ASIC2: variants seen among roughly 807,000 people sequenced by gnomAD.
The protein encoded by ASIC2 is acid-sensing ion channel 2.
Under a neutral mutation model 57.3 loss-of-function variants are expected in ASIC2, and 25 were observed. The ratio of observed to expected loss-of-function variants is 0.44; its 90% CI spans 0.32 to 0.61. The LOEUF (loss-of-function observed/expected upper bound fraction) is 0.61. Among genes scored for constraint, ASIC2 ranks in the 20% least tolerant of loss-of-function variants. The probability of loss-of-function intolerance (pLI) is 0.06; values close to 1 mark genes in which losing one functional copy is unlikely to be tolerated. For synonymous variants in ASIC2, 319 were observed against 307.5 expected, an observed-to-expected ratio of 1.04 and a Z score of -0.39; for missense variants, 641 against 738.1, an observed-to-expected ratio of 0.87 and a Z score of 1.52.
chr17:33,213,844 GCCCTGGAATACTGATTCTCT>G (rs984708621), intron 1 of ASIC2, among the ~76,000 whole-genome samples: 5 of 152,192 alleles, frequency 3.3e-5, no homozygotes, highest in African/African-American at 1.2e-4. Flanking sequence ...GGTGGTCCAA[GCCCTGGAATACTGATTCTCT>G]CCCTGGCCCC....
chr17:33,900,442 AC>A (rs1373558370), intron 1 of ASIC2, among the ~76,000 whole-genome samples: 2 of 152,150 alleles, frequency 1.3e-5, no homozygotes, highest in Non-Finnish European at 2.9e-5. Flanking sequence ...CCCTCCCAAC[AC>A]TGAGAATCTG....
chr17:33,327,509 T>C (rs560551803), intron 1 of ASIC2, among the ~76,000 whole-genome samples: 15 of 152,330 alleles, frequency 9.8e-5, no homozygotes, highest in African/African-American at 3.6e-4. Context: ...CACAATGAAA[T>C]GGATTTTCCA....
chr17:34,128,850 C>T (rs1911867570), intron 1 of ASIC2, among the ~76,000 whole-genome samples: 2 of 152,154 alleles, frequency 1.3e-5, no homozygotes, highest in African/African-American at 4.8e-5. Flanking sequence ...ATCAGAGCCT[C>T]CTGGGGAGCT....
chr17:33,325,270 G>A (rs1480414519), intron 1 of ASIC2, among the ~76,000 whole-genome samples: 2 of 152,182 alleles, frequency 1.3e-5, no homozygotes, highest in African/African-American at 2.4e-5. Context: ...GGAGAGGAAG[G>A]ATGTCTCAGA....
intron 3 of ASIC2, among the ~76,000 whole-genome samples, chr17:33,085,765 C>T (rs937765571): frequency 3.9e-5 from 6 of 152,112 alleles, no homozygotes; most frequent in Admixed American, 2.6e-4. Flanking sequence ...TCCTTCAAGT[C>T]TTATTTCCTA....
At chr17:33,787,677 G>T (rs1239621605) in intron 1 of ASIC2, among the ~76,000 whole-genome samples, 2 of 152,214 alleles carry the variant, frequency 1.3e-5, no homozygotes, top group African/African-American at 2.4e-5. Context: ...GTTCACTGTT[G>T]TATCAGTAGT....
chr17:33,348,404 C>G (rs1908035567), intron 1 of ASIC2, among the ~76,000 whole-genome samples: 2 of 152,050 alleles, frequency 1.3e-5, no homozygotes, highest in Non-Finnish European at 2.9e-5. Flanking sequence ...AACAGCAAAC[C>G]CTCTTTAACC....
chr17:33,842,493 G>A (rs1015123941), intron 1 of ASIC2, among the ~76,000 whole-genome samples: 2 of 152,212 alleles, frequency 1.3e-5, no homozygotes, highest in Non-Finnish European at 2.9e-5. Context: ...CAAATATCCA[G>A]GAGATGGAGA....
rs535272008 is a variant in ASIC2 at position 33,508,349 on chromosome 17, C to T, written c.556-396282G>A. On this transcript the variant is annotated intron_variant, in intron 1 of 9. Transcript: ENST00000359872. ...AGGAGATGAAGCCTGCAACTGTAGA[C>T]GGTCAAGTGTACTAACAGGAATCAC... 1.5e-4 allele frequency among the ~76,000 whole-genome samples: 23 copies of T among 152,268 alleles called. No homozygotes were observed. In the South Asian group the frequency reaches 4.4e-3, roughly 29 times the overall value.
intron 1 of ASIC2, among the ~76,000 whole-genome samples, chr17:33,525,827 C>T (rs1192275592): frequency 6.6e-6 from 1 of 152,206 alleles, no homozygotes; most frequent in African/African-American, 2.4e-5. Context: ...TGGAGCCCAG[C>T]TCAAGACTCA....
intron 1 of ASIC2, among the ~76,000 whole-genome samples, chr17:33,665,744 C>T (rs1597827567): frequency 6.6e-6 from 1 of 152,232 alleles, no homozygotes; most frequent in South Asian, 2.1e-4. Flanking sequence ...TTTTCTCCAT[C>T]TAATTGCTCA....
At chr17:33,561,407 C>G (rs1206592353) in intron 1 of ASIC2, among the ~76,000 whole-genome samples, 1 of 152,152 alleles carries the variant, frequency 6.6e-6, no homozygotes, top group Non-Finnish European at 1.5e-5. Context: ...TAGTTTCTTG[C>G]TATGCAATGC....
chr17:33,485,818 T>G (rs1333061166), intron 1 of ASIC2, among the ~76,000 whole-genome samples: 1 of 152,156 alleles, frequency 6.6e-6, no homozygotes, highest in Non-Finnish European at 1.5e-5. Flanking sequence ...CAGAGCTTGG[T>G]GTATAGTGGT....
intron 1 of ASIC2, among the ~76,000 whole-genome samples, chr17:33,916,681 G>T (rs1300203307): frequency 9.9e-5 from 15 of 152,170 alleles, no homozygotes. Flanking sequence ...CTTGGAAACT[G>T]ATCTGGGGGT....
At chr17:33,039,870 A>T (rs2091923331) in intron 3 of ASIC2, among the ~76,000 whole-genome samples, 3 of 151,550 alleles carry the variant, frequency 2.0e-5, no homozygotes, top group African/African-American at 4.9e-5. Context: ...TTTCTCTCTC[A>T]CTCATGTGCT....
chr17:33,089,939 G>A (rs1021919108), intron 2 of ASIC2, among the ~76,000 whole-genome samples: 4 of 152,184 alleles, frequency 2.6e-5, no homozygotes, highest in African/African-American at 7.2e-5. Context: ...GACTGTATAA[G>A]CCTTTACCAG....
intron 2 of ASIC2, among the ~76,000 whole-genome samples, chr17:33,093,239 C>G (rs1303302357): frequency 6.6e-6 from 1 of 152,142 alleles, no homozygotes; most frequent in East Asian, 1.9e-4. Context: ...GTGAGTGGCC[C>G]TTCTGATTGT....
At chr17:33,974,072 A>T (rs1157358300) in intron 1 of ASIC2, among the ~76,000 whole-genome samples, 1 of 151,698 alleles carries the variant, frequency 6.6e-6, no homozygotes, top group African/African-American at 2.4e-5. Context: ...TCCCGGCTTC[A>T]GTTTCTTCAG....
At chr17:33,209,114 C>T (rs1167860998) in intron 1 of ASIC2, among the ~76,000 whole-genome samples, 2 of 152,162 alleles carry the variant, frequency 1.3e-5, no homozygotes, top group East Asian at 3.8e-4. Context: ...GAACTCAAGC[C>T]TCGAAGCCCA....
Sources: allele counts gnomAD v4.1 joint callset (sites outside exome capture counted in the v4.1 genomes callset), GRCh38; gene constraint gnomAD v4.1.1; transcripts MANE v1.5; gene names NCBI Gene and HGNC (gene_info 2026-07-23, HGNC 2026-07-21).